Variants in TENM2 observed in about 807,000 individuals in gnomAD.
The protein encoded by TENM2 is teneurin transmembrane protein 2.
In TENM2, 52 loss-of-function variants were observed where a neutral mutation model predicts 245.2. The ratio of observed to expected loss-of-function variants is 0.21; its 90% CI spans 0.17 to 0.27. The LOEUF is 0.27. Among genes scored for constraint, TENM2 ranks in the 10% least tolerant of loss-of-function variants. TENM2 has a pLI of 1.00. For synonymous variants in TENM2, 1,363 were observed against 1,438.9 expected, an observed-to-expected ratio of 0.95 and a Z score of 1.19; for missense variants, 3,046 against 3,666.8, an observed-to-expected ratio of 0.83 and a Z score of 4.37.
At chr5:167,924,295 G>A (rs1228607171) in intron 3 of TENM2, among the ~76,000 whole-genome samples, 1 of 152,182 alleles carries the variant, frequency 6.6e-6, no homozygotes, top group African/African-American at 2.4e-5. Flanking sequence ...CTCTGTCAGT[G>A]TCGTGGGGAC....
At chr5:168,246,952 C>T (rs771321581) in exon 27 of TENM2, 14 of 1,613,880 alleles carry the variant, frequency 8.7e-6, no homozygotes, top group South Asian at 5.5e-5. Flanking sequence ...TGATGACGGC[C>T]GCATCCTGAA....
At chr5:167,985,361 G>A (rs958677894) in intron 4 of TENM2, among the ~76,000 whole-genome samples, 14 of 152,238 alleles carry the variant, frequency 9.2e-5, no homozygotes, top group African/African-American at 3.1e-4. Flanking sequence ...TTACTGGGGA[G>A]GTCAATTTTC....
intron 2 of TENM2, among the ~76,000 whole-genome samples, chr5:167,567,146 G>A (rs1283169928): frequency 6.6e-6 from 1 of 152,100 alleles, no homozygotes; most frequent in South Asian, 2.1e-4. Context: ...TATAAAAATC[G>A]ACCCAAATTA....
At chr5:167,527,684 G>T (rs1170788553) in intron 2 of TENM2, among the ~76,000 whole-genome samples, 1 of 151,954 alleles carries the variant, frequency 6.6e-6, no homozygotes, top group Non-Finnish European at 1.5e-5. Context: ...TACATTATTT[G>T]CACGTTATGA....
the TENM2 span, among the ~76,000 whole-genome samples, chr5:167,034,608 C>T: frequency 4.3e-5 from 5 of 116,440 alleles, no homozygotes; most frequent in South Asian, 1.2e-3. Context: ...CCAGCCTGGG[C>T]GACAGAGCGA....
At chr5:167,977,436 T>A (rs942530327) in intron 4 of TENM2, among the ~76,000 whole-genome samples, 2 of 152,186 alleles carry the variant, frequency 1.3e-5, no homozygotes, top group Non-Finnish European at 1.5e-5. Flanking sequence ...TTCTAAATAC[T>A]TTATATAATA....
At chr5:167,879,940 A>C (rs1252862968) in intron 3 of TENM2, among the ~76,000 whole-genome samples, 1 of 152,224 alleles carries the variant, frequency 6.6e-6, no homozygotes, top group Non-Finnish European at 1.5e-5. Flanking sequence ...TAGGATCAAT[A>C]AGTTGCCTGT....
intron 2 of TENM2, among the ~76,000 whole-genome samples, chr5:167,535,627 C>A (rs1771796105): frequency 1.3e-5 from 2 of 152,144 alleles, no homozygotes; most frequent in Admixed American, 6.5e-5. Context: ...CTAGCTTTGG[C>A]CCTTTGGCCC....
intron 2 of TENM2, among the ~76,000 whole-genome samples, chr5:167,774,306 A>G (rs1763612050): frequency 1.3e-5 from 2 of 152,168 alleles, no homozygotes; most frequent in South Asian, 4.1e-4. Flanking sequence ...TCCTGAAGGC[A>G]GCTTCTTGAG....
intron 2 of TENM2, among the ~76,000 whole-genome samples, chr5:167,405,341 A>G (rs542154738): frequency 2.0e-5 from 3 of 152,130 alleles, no homozygotes; most frequent in East Asian, 3.9e-4. Context: ...CTGATAAGCA[A>G]TGGGGCTCTG....
intron 1 of TENM2, among the ~76,000 whole-genome samples, chr5:167,362,918 A>G (rs1284011412): frequency 6.6e-6 from 1 of 152,112 alleles, no homozygotes; most frequent in Non-Finnish European, 1.5e-5. Flanking sequence ...CGATCGACTT[A>G]TTGGTGTGTG....
chr5:168,039,923 G>A (rs531679906), intron 5 of TENM2, among the ~76,000 whole-genome samples: 2 of 152,160 alleles, frequency 1.3e-5, no homozygotes, highest in East Asian at 3.9e-4. Flanking sequence ...CAGTCGGGGA[G>A]CCCCACGCAT....
chr5:167,458,059 A>C (rs1208881454), intron 2 of TENM2, among the ~76,000 whole-genome samples: 1 of 152,198 alleles, frequency 6.6e-6, no homozygotes, highest in Non-Finnish European at 1.5e-5. Context: ...TTTTCAGGTC[A>C]GAGAAGTCAG....
chr5:167,120,279 G>A, the TENM2 span, among the ~76,000 whole-genome samples: 1 of 152,180 alleles, frequency 6.6e-6, no homozygotes, highest in African/African-American at 2.4e-5. Flanking sequence ...AGTCTTGTGT[G>A]TATGGAGGAA....
intron 1 of TENM2, among the ~76,000 whole-genome samples, chr5:167,320,195 A>T (rs1254553457): frequency 6.6e-6 from 1 of 152,238 alleles, no homozygotes; most frequent in Non-Finnish European, 1.5e-5. Flanking sequence ...CCTCAGGAAT[A>T]AAAACAGTGT....
intron 4 of TENM2, among the ~76,000 whole-genome samples, chr5:167,970,401 C>T (rs1198606912): frequency 6.6e-6 from 1 of 152,138 alleles, no homozygotes; most frequent in East Asian, 1.9e-4. Context: ...AAAACATGCT[C>T]ATTTATTGTC....
At chr5:167,762,462 G>A (rs559112619) in intron 2 of TENM2, among the ~76,000 whole-genome samples, 3 of 152,232 alleles carry the variant, frequency 2.0e-5, no homozygotes, top group South Asian at 2.1e-4. Flanking sequence ...CCTTCCTCTC[G>A]TTATTTTCGT....
At chr5:167,104,057 A>G in the TENM2 span, among the ~76,000 whole-genome samples, 3 of 151,764 alleles carry the variant, frequency 2.0e-5, no homozygotes, top group Admixed American at 1.3e-4. Flanking sequence ...CATCTCTCCT[A>G]TCTCTGTGCT....
the TENM2 span, among the ~76,000 whole-genome samples, chr5:167,005,013 A>G: frequency 2.5e-4 from 38 of 152,234 alleles, no homozygotes; most frequent in African/African-American, 8.0e-4. Context: ...TAAAAGGTCA[A>G]TATCTGCAAT....
Sources: allele counts gnomAD v4.1 joint callset (sites outside exome capture counted in the v4.1 genomes callset), GRCh38; gene constraint gnomAD v4.1.1; transcripts MANE v1.5; gene names NCBI Gene and HGNC (gene_info 2026-07-23, HGNC 2026-07-21).